TMEM17: variants seen among roughly 807,000 people sequenced by gnomAD.
TMEM17 encodes transmembrane protein 17.
A neutral mutation model predicts 19.1 loss-of-function variants in TMEM17; 15 were observed. The ratio of observed to expected loss-of-function variants is 0.78; its 90% CI spans 0.52 to 1.21. The LOEUF is 1.21. Ranked by LOEUF, TMEM17 falls within the 50% of genes most tolerant of loss-of-function variation. The probability of loss-of-function intolerance (pLI) is 0.00; values close to 1 mark genes in which losing one functional copy is unlikely to be tolerated. For missense variants in TMEM17, 245 were observed against 242.3 expected, an observed-to-expected ratio of 1.01 and a Z score of -0.07; for synonymous variants, 103 against 86.9, an observed-to-expected ratio of 1.19 and a Z score of -1.03.
rs1337920526 is a variant in TMEM17, at chr2:62,500,512, C to G, written c.*697G>C. On this transcript the variant is annotated 3_prime_UTR_variant, in exon 4 of 4. Transcript: ENST00000335390. The stretch of plus-strand genomic sequence containing the variant: ...CCAGGATGGAGTACAGTGGCTTGAT[C>G]TCGGCTCACTGCAAGCTCTGCCTCC... 1 of 152,134 alleles carries G rather than the reference C, an allele frequency of 6.6e-6. No homozygotes were observed. Among genetic ancestry groups the G allele is most frequent in the African/African-American group, 2.4e-5 (1 of 41,418 alleles). The allele number at this position is 152,134 out of a possible 1,614,324, so 9.4% of individuals were successfully genotyped here. A position where few individuals can be genotyped will look rare whatever the true frequency, so the allele number is the denominator to read the frequency against.
the TMEM17 span, among the ~76,000 whole-genome samples, chr2:62,467,883 CTTTTT>C: frequency 7.4e-6 from 1 of 135,078 alleles, no homozygotes; most frequent in Non-Finnish European, 1.6e-5. Context: ...GCCATCTCTC[CTTTTT>C]TTTTTTTTTT....
chr2:62,459,022 C>T, the TMEM17 span, among the ~76,000 whole-genome samples: 1 of 152,212 alleles, frequency 6.6e-6, no homozygotes, highest in Non-Finnish European at 1.5e-5. Context: ...CATATGTTTT[C>T]ACTTCTCTTG....
At chr2:62,494,728 A>T in the TMEM17 span, among the ~76,000 whole-genome samples, 7 of 152,124 alleles carry the variant, frequency 4.6e-5, no homozygotes, top group Non-Finnish European at 8.8e-5. Flanking sequence ...TTTTGGCCGG[A>T]CGCAGTGGCT....
At position 62,502,656 on chromosome 2, in the gene TMEM17, G is replaced by A. The variant is rs747247703; in HGVS notation, c.204+35C>T. 7.9e-6 allele frequency: 12 copies of A among 1,526,230 alleles called. 1 individual carries two copies. Among genetic ancestry groups the A allele is most frequent in the South Asian group, 2.5e-5 (2 of 81,568 alleles). The allele number at this position is 1,526,230 out of a possible 1,614,324, so 94.5% of individuals were successfully genotyped here. A position where few individuals can be genotyped will look rare whatever the true frequency, so the allele number is the denominator to read the frequency against. On this transcript the variant is annotated intron_variant, in intron 2 of 3. Transcript: ENST00000335390. ...TGAATTTTATTGACACTCTAACAAC[G>A]TCAGGGCAGCAAAAGTATTAAAGCT...
the TMEM17 span, among the ~76,000 whole-genome samples, chr2:62,480,765 C>A: frequency 6.6e-6 from 1 of 152,154 alleles, no homozygotes; most frequent in African/African-American, 2.4e-5. Context: ...TGCCATGGAT[C>A]TATGTCTGTT....
chr2:62,454,772 C>T, the TMEM17 span, among the ~76,000 whole-genome samples: 4 of 152,108 alleles, frequency 2.6e-5, no homozygotes, highest in African/African-American at 7.2e-5. Context: ...GGCACGATCT[C>T]AGCTCACTGC....
At chr2:62,485,972 T>TC in the TMEM17 span, among the ~76,000 whole-genome samples, 8 of 152,218 alleles carry the variant, frequency 5.3e-5, no homozygotes, top group Admixed American at 6.5e-5. Context: ...TGCTTTTTTT[T>TC]CCCCCATTTC....
At chr2:62,473,079 C>T in the TMEM17 span, among the ~76,000 whole-genome samples, 3 of 152,176 alleles carry the variant, frequency 2.0e-5, no homozygotes, top group Non-Finnish European at 4.4e-5. Context: ...AATCAGGTGG[C>T]TTCTCACCTA....
the TMEM17 span, among the ~76,000 whole-genome samples, chr2:62,485,786 C>T: frequency 6.6e-6 from 1 of 152,168 alleles, no homozygotes; most frequent in Non-Finnish European, 1.5e-5. Flanking sequence ...TCTTTGGCAC[C>T]GCTGAATTAT....
At chr2:62,499,927 G>A (rs1679876261), downstream of TMEM17, among the ~76,000 whole-genome samples, 1 of 152,206 alleles carries the variant, frequency 6.6e-6, no homozygotes, top group Non-Finnish European at 1.5e-5. Context: ...TAGCAAGGGA[G>A]CATGCTCATT....
At chr2:62,490,477 G>T in the TMEM17 span, among the ~76,000 whole-genome samples, 1 of 151,966 alleles carries the variant, frequency 6.6e-6, no homozygotes, top group Non-Finnish European at 1.5e-5. Flanking sequence ...TTGCCAGGCT[G>T]GTCTCTAACT....
chr2:62,502,842 C>A, intron 1 of TMEM17, 48 bp from the exon 2 acceptor site: 1 of 1,173,134 alleles, frequency 8.5e-7, no homozygotes, highest in Non-Finnish European at 1.2e-6. Flanking sequence ...TGGGTTTATG[C>A]CCTATATATA....
At chr2:62,484,240 T>C in the TMEM17 span, among the ~76,000 whole-genome samples, 23 of 152,260 alleles carry the variant, frequency 1.5e-4, no homozygotes, top group African/African-American at 5.5e-4. Flanking sequence ...TGGGAACCTA[T>C]ATCTGCGCTT....
Position 62,506,160 on chromosome 2 carries a change from G to A in TMEM17, c.-31C>T. 2 of 1,571,828 alleles carry A rather than the reference G, an allele frequency of 1.3e-6. No homozygotes were observed. The highest frequency in any genetic ancestry group is 1.7e-6 in the Non-Finnish European group (2 of 1,158,108). On this transcript the variant is annotated 5_prime_UTR_variant, in exon 1 of 4. Transcript: ENST00000335390. Reference sequence around the variant, plus strand: ...GGCCTCAGTATCCCTCACCCCCTCAGACACGGGCTAGTCTGCGGGCGCTCC... The same window carrying A: ...GGCCTCAGTATCCCTCACCCCCTCAAACACGGGCTAGTCTGCGGGCGCTCC...
downstream of TMEM17, among the ~76,000 whole-genome samples, chr2:62,498,215 C>A (rs10191324): frequency 6.7e-6 from 1 of 150,272 alleles, no homozygotes; most frequent in African/African-American, 2.4e-5. Flanking sequence ...TGAAACCCTG[C>A]CTCTACTAAA....
the TMEM17 span, among the ~76,000 whole-genome samples, chr2:62,468,175 G>C: frequency 6.6e-6 from 1 of 152,032 alleles, no homozygotes; most frequent in Non-Finnish European, 1.5e-5. Flanking sequence ...CCCTGTCCTG[G>C]TGCTCTTCCA....
chr2:62,483,233 T>C, the TMEM17 span, among the ~76,000 whole-genome samples: 27 of 152,204 alleles, frequency 1.8e-4, no homozygotes, highest in Non-Finnish European at 2.1e-4. Context: ...AGGCTCTGTC[T>C]CTGGAGCTTC....
downstream of TMEM17, among the ~76,000 whole-genome samples, chr2:62,496,554 A>G (rs1679782932): frequency 6.6e-6 from 1 of 152,230 alleles, no homozygotes; most frequent in Non-Finnish European, 1.5e-5. Context: ...GTGCACAATT[A>G]TAAGTGCTTA....
At chr2:62,470,090 C>T in the TMEM17 span, among the ~76,000 whole-genome samples, 449 of 152,320 alleles carry the variant, frequency 2.9e-3, 3 homozygotes, top group African/African-American at 9.2e-3. Context: ...GGTCTTGGAG[C>T]TCTAAGAAGA....
Sources: allele counts gnomAD v4.1 joint callset (sites outside exome capture counted in the v4.1 genomes callset), GRCh38; gene constraint gnomAD v4.1.1; transcripts MANE v1.5; gene names NCBI Gene and HGNC (gene_info 2026-07-23, HGNC 2026-07-21).